SSH1: variants seen among roughly 807,000 people sequenced by gnomAD.
SSH1 encodes slingshot protein phosphatase 1.
SSH1 carries 43 observed loss-of-function variants against 79.7 expected under a neutral mutation model. That is an observed-to-expected ratio of 0.54 (90% confidence interval 0.42 to 0.70). SSH1 has a LOEUF of 0.70. Among genes scored for constraint, SSH1 ranks in the 30% least tolerant of loss-of-function variants. The pLI, the probability that SSH1 is intolerant of heterozygous loss-of-function variation, is 0.00. For missense variants in SSH1, 1,206 were observed against 1,358.8 expected, an observed-to-expected ratio of 0.89 and a Z score of 1.77; for synonymous variants, 599 against 538.3, an observed-to-expected ratio of 1.11 and a Z score of -1.56.
At chr12:108,837,153 A>C in intron 2 of SSH1, 1 of 325,142 alleles carries the variant, frequency 3.1e-6, no homozygotes, top group Non-Finnish European at 6.4e-6. Flanking sequence ...AATCGCTTGA[A>C]CCCGGGAGGT....
At chr12:108,852,984 C>T in intron 1 of SSH1, 3 of 985,386 alleles carry the variant, frequency 3.0e-6, no homozygotes, top group Non-Finnish European at 3.6e-6. Flanking sequence ...AGCCCTCAGC[C>T]CTCAACTTTC....
chr12:108,793,880 T>C (rs960971360), intron 13 of SSH1, among the ~76,000 whole-genome samples: 1 of 152,160 alleles, frequency 6.6e-6, no homozygotes, highest in Non-Finnish European at 1.5e-5. Flanking sequence ...GGTGTGCACA[T>C]CCCAGCCAGC....
chr12:108,829,740 C>A (rs1319261295), intron 2 of SSH1, among the ~76,000 whole-genome samples: 1 of 152,100 alleles, frequency 6.6e-6, no homozygotes, highest in Non-Finnish European at 1.5e-5. Flanking sequence ...ACATTCATGC[C>A]CAGGTCCAGC....
chr12:108,838,036 G>C (rs530587118), intron 2 of SSH1, among the ~76,000 whole-genome samples: 25 of 152,114 alleles, frequency 1.6e-4, no homozygotes, highest in African/African-American at 5.5e-4. Context: ...CTCCCACCTC[G>C]GTCTCCCAAA....
At position 108,788,363 on chromosome 12, in the gene SSH1, G is replaced by A. The variant is rs1310022072; in HGVS notation, c.2775C>T (p.Ser925=). The A allele has an allele frequency of 3.1e-6, 5 of 1,613,028 alleles. No homozygotes were observed. The highest frequency in any genetic ancestry group is 2.7e-5 in the African/African-American group (2 of 74,930). ...GGGTCAGGTTGGAGCTCATGGAAGA[G>A]GAGGTGGGGGTGTAGCAGATGGTCT... ...FLKTICYTPT[S]SSMSSNLTRS... Residue 925 remains serine, a synonymous_variant, in exon 15 of 15, where the codon TCC becomes TCT. Transcript: ENST00000326495.
At chr12:108,820,250 C>T (rs1176962782) in intron 3 of SSH1, among the ~76,000 whole-genome samples, 2 of 152,180 alleles carry the variant, frequency 1.3e-5, no homozygotes, top group South Asian at 2.1e-4. Flanking sequence ...TCTGTCCTCT[C>T]CAGTTATACA....
At chr12:108,802,456 CGGTGA>C (rs2083552687) in intron 10 of SSH1, 88 bp from the exon 11 acceptor site, 1 of 1,238,554 alleles carries the variant, frequency 8.1e-7, no homozygotes, top group South Asian at 1.2e-5. Context: ...CTAGCTCTGG[CGGTGA>C]GGTCTTATTT....
At chr12:108,804,828 C>G (rs996768406) in intron 10 of SSH1, among the ~76,000 whole-genome samples, 1 of 152,210 alleles carries the variant, frequency 6.6e-6, no homozygotes, top group Non-Finnish European at 1.5e-5. Context: ...AAACAACTCC[C>G]CGCAGCTCAG....
chr12:108,826,614 G>A (rs561601973), intron 2 of SSH1, among the ~76,000 whole-genome samples: 1 of 152,168 alleles, frequency 6.6e-6, no homozygotes, highest in South Asian at 2.1e-4. Context: ...GAAAGTCTCT[G>A]TGACCCGGCT....
chr12:108,800,731 G>C, intron 12 of SSH1, 49 bp downstream of exon 12: 6 of 1,602,590 alleles, frequency 3.7e-6, no homozygotes, highest in Non-Finnish European at 5.1e-6. Context: ...CACTCTCCCA[G>C]CCTCAGCAGG....
rs1324138860 is a variant in SSH1 at position 108,786,085 on chromosome 12, C to T, written c.*1903G>A. ...CTGTGCTCACTAGGTAAAATATGAA[C>T]TAGCCTTGTTCCTGCAGATCCCTCC... On this transcript the variant is annotated 3_prime_UTR_variant, in exon 15 of 15. Coordinates refer to ENST00000326495, the MANE Select transcript of SSH1 (RefSeq NM_018984.4). The T allele has an allele frequency of 2.0e-5, 3 of 152,204 alleles. No individual in the cohort carries two copies. The highest frequency in any genetic ancestry group is 2.0e-4 in the Admixed American group (3 of 15,282). The allele number at this position is 152,204 out of a possible 1,614,324, so 9.4% of individuals were successfully genotyped here.
intron 13 of SSH1, among the ~76,000 whole-genome samples, chr12:108,794,125 G>A (rs2036637510): frequency 6.6e-6 from 1 of 152,232 alleles, no homozygotes; most frequent in Non-Finnish European, 1.5e-5. Context: ...GGGCACTCCT[G>A]CATTCCCAAA....
At chr12:108,822,322 T>C (rs113444050) in intron 3 of SSH1, among the ~76,000 whole-genome samples, 1 of 151,964 alleles carries the variant, frequency 6.6e-6, no homozygotes, top group Admixed American at 6.6e-5. Flanking sequence ...TTTGCAGAGA[T>C]AGGGTTTCAC....
At chr12:108,839,467 G>A (rs1414048654) in intron 2 of SSH1, among the ~76,000 whole-genome samples, 1 of 152,150 alleles carries the variant, frequency 6.6e-6, no homozygotes, top group Non-Finnish European at 1.5e-5. Flanking sequence ...GCTCTTTCCA[G>A]ACCACACTGA....
At chr12:108,812,901 T>C (rs368266593) in intron 5 of SSH1, among the ~76,000 whole-genome samples, 1 of 151,274 alleles carries the variant, frequency 6.6e-6, no homozygotes, top group East Asian at 1.9e-4. Context: ...CTTGCTCCGT[T>C]GCCCAGGCTG....
At chr12:108,823,827 C>T (rs76657006) in intron 2 of SSH1, among the ~76,000 whole-genome samples, 3,827 of 152,268 alleles carry the variant, frequency 0.025, 173 homozygotes, top group East Asian at 0.22. Context: ...GCCACCATGG[C>T]CAGCTAATTA....
At chr12:108,810,109 T>C (rs1683285528) in intron 6 of SSH1, among the ~76,000 whole-genome samples, 1 of 152,106 alleles carries the variant, frequency 6.6e-6, no homozygotes, top group African/African-American at 2.4e-5. Flanking sequence ...GGCCGTTCCT[T>C]TTTGTAATTG....
At chr12:108,828,195 A>C (rs1031833688) in intron 2 of SSH1, among the ~76,000 whole-genome samples, 1 of 152,210 alleles carries the variant, frequency 6.6e-6, no homozygotes, top group Non-Finnish European at 1.5e-5. Flanking sequence ...TTCTGGAACA[A>C]TTCCTGAAGG....
chr12:108,804,836 C>G (rs1286378512), intron 10 of SSH1, among the ~76,000 whole-genome samples: 1 of 152,226 alleles, frequency 6.6e-6, no homozygotes, highest in Non-Finnish European at 1.5e-5. Context: ...CCCCGCAGCT[C>G]AGCTGGAAGC....
Sources: gnomAD v4.1 joint callset for allele counts (sites outside exome capture counted in the v4.1 genomes callset) on GRCh38, gnomAD v4.1.1 for gene constraint, MANE v1.5 for transcripts, NCBI Gene and HGNC (gene_info 2026-07-23, HGNC 2026-07-21) for gene names.